Variants in LRP1B observed in about 807,000 individuals in gnomAD.
The protein encoded by LRP1B is low-density lipoprotein receptor-related protein 1B.
In LRP1B, 217 loss-of-function variants were observed where a neutral mutation model predicts 556.6. The observed-to-expected ratio is 0.39, with a 90% CI of 0.35 to 0.44. The LOEUF is 0.44. Among genes scored for constraint, LRP1B ranks in the 20% least tolerant of loss-of-function variants. The pLI is 1.00. For synonymous variants in LRP1B, 2,047 were observed against 1,865.8 expected (o/e 1.10, Z -2.50); for missense variants, 5,053 against 5,620.8 (o/e 0.90, Z 3.23).
At chr2:141,907,825 C>T (rs1699800399) in intron 1 of LRP1B, among the ~76,000 whole-genome samples, 1 of 151,860 alleles carries the variant, frequency 6.6e-6, no homozygotes, top group African/African-American at 2.4e-5. Flanking sequence ...TCTGTGATTT[C>T]CTGCTCCCTT....
rs1042716532 is a variant in LRP1B at position 140,297,741 on chromosome 2, T to C, written c.12967+67A>G. On this transcript the variant is annotated intron_variant, in intron 84 of 90. Transcript: ENST00000389484. ...GCTAAAATTAAGATAATGGAAGGAG[T>C]GGATACAGGAAATCAGAAGATTAAC... 1.0e-5 allele frequency: 15 copies of C among 1,473,120 alleles called. No homozygotes were observed. The African/African-American group carries it at 1.8e-4, about 18-fold the overall frequency. 91.3% of individuals were successfully genotyped at this position (1,473,120 alleles called of 1,614,324 possible). A position where few individuals can be genotyped will look rare whatever the true frequency, so the allele number is the denominator to read the frequency against.
intron 66 of LRP1B, among the ~76,000 whole-genome samples, chr2:140,394,579 A>G (rs1291818490): frequency 2.0e-5 from 3 of 152,112 alleles, no homozygotes; most frequent in Admixed American, 2.0e-4. Flanking sequence ...CCCTTGAACC[A>G]TTTTCTTGGA....
chr2:141,017,084 T>C (rs1248653807), intron 12 of LRP1B, among the ~76,000 whole-genome samples: 1 of 152,126 alleles, frequency 6.6e-6, no homozygotes, highest in African/African-American at 2.4e-5. Context: ...ATTGAGACTG[T>C]TGAATTGTAT....
At chr2:140,826,507 C>G (rs543011813) in intron 31 of LRP1B, among the ~76,000 whole-genome samples, 84 of 152,274 alleles carry the variant, frequency 5.5e-4, no homozygotes, top group African/African-American at 2.0e-3. Context: ...AAGATGATCA[C>G]CAGCAACATC....
chr2:141,295,789 A>ACACACG (rs1300096216), intron 3 of LRP1B, among the ~76,000 whole-genome samples: 16 of 143,496 alleles, frequency 1.1e-4, no homozygotes, highest in African/African-American at 3.7e-4. Context: ...ACACACACAC[A>ACACACG]CATAACAGTG....
At position 141,874,304 on chromosome 2, in the gene LRP1B, A is replaced by C. The variant is rs72994956; in HGVS notation, c.83-63903T>G. 6.7e-3 allele frequency among the ~76,000 whole-genome samples: 1,015 copies of C among 151,924 alleles called. 16 individuals carry two copies. The highest frequency in any genetic ancestry group is 0.022 in the African/African-American group (931 of 41,470). ...ATCACAATTTTACTACTTCTGGATC[A>C]CAAGCTTGTAAAGCATGGTTATTGA... On this transcript the variant is annotated intron_variant, in intron 1 of 90. Transcript: ENST00000389484.
chr2:141,878,261 A>G (rs1698835152), intron 1 of LRP1B, among the ~76,000 whole-genome samples: 1 of 151,992 alleles, frequency 6.6e-6, no homozygotes, highest in Non-Finnish European at 1.5e-5. Flanking sequence ...AGAAGACACC[A>G]GAGAGCTGAG....
At chr2:140,992,530 A>G (rs914397229) in intron 16 of LRP1B, 2 of 152,132 alleles carry the variant, frequency 1.3e-5, no homozygotes, top group Non-Finnish European at 2.9e-5. Flanking sequence ...AGCATTCATC[A>G]CAACCACAAA....
At chr2:141,190,561 G>C (rs1054737314) in intron 6 of LRP1B, among the ~76,000 whole-genome samples, 2 of 151,846 alleles carry the variant, frequency 1.3e-5, no homozygotes, top group African/African-American at 2.4e-5. Flanking sequence ...CCTAACCTAT[G>C]AATCTCATTT....
chr2:141,837,700 AG>A (rs1417403743), intron 1 of LRP1B, among the ~76,000 whole-genome samples: 1 of 152,142 alleles, frequency 6.6e-6, no homozygotes, highest in Non-Finnish European at 1.5e-5. Flanking sequence ...TGTAGTACAT[AG>A]TAAAGGAAAT....
At chr2:141,500,208 T>C (rs542141221) in intron 2 of LRP1B, among the ~76,000 whole-genome samples, 6 of 152,128 alleles carry the variant, frequency 3.9e-5, no homozygotes, top group Admixed American at 1.3e-4. Context: ...GCTTTCCCCA[T>C]ATATTTACCT....
At chr2:141,758,334 G>A (rs796595646) in intron 2 of LRP1B, among the ~76,000 whole-genome samples, 11 of 151,880 alleles carry the variant, frequency 7.2e-5, no homozygotes, top group African/African-American at 2.7e-4. Flanking sequence ...TTTCAGTATT[G>A]CATATAAAAA....
chr2:140,478,529 T>TAA (rs1300980596), intron 59 of LRP1B, among the ~76,000 whole-genome samples: 1 of 152,136 alleles, frequency 6.6e-6, no homozygotes, highest in Non-Finnish European at 1.5e-5. Flanking sequence ...ACTGAGAATA[T>TAA]AAAAGGTTAT....
chr2:142,029,095 C>A (rs763422517), intron 1 of LRP1B, among the ~76,000 whole-genome samples: 2 of 151,832 alleles, frequency 1.3e-5, no homozygotes, highest in Non-Finnish European at 2.9e-5. Flanking sequence ...AATGACTCTC[C>A]CTCTTCTGTC....
At chr2:141,678,614 C>T (rs907448712) in intron 2 of LRP1B, among the ~76,000 whole-genome samples, 1 of 152,004 alleles carries the variant, frequency 6.6e-6, no homozygotes, top group Non-Finnish European at 1.5e-5. Flanking sequence ...AATGAATGGG[C>T]TCCAACTTAT....
intron 18 of LRP1B, among the ~76,000 whole-genome samples, chr2:140,970,737 T>C (rs1294145738): frequency 6.6e-5 from 2 of 30,274 alleles, no homozygotes; most frequent in African/African-American, 1.4e-4. Context: ...TTTTTTTTTT[T>C]TTTTTTTTTT....
chr2:140,590,317 T>C (rs1423533484), intron 43 of LRP1B, among the ~76,000 whole-genome samples: 2 of 145,886 alleles, frequency 1.4e-5, no homozygotes, highest in Admixed American at 7.1e-5. Flanking sequence ...TTATATGTAA[T>C]ATATAATGTA....
chr2:141,420,794 A>T (rs572464850), intron 3 of LRP1B, among the ~76,000 whole-genome samples: 2 of 152,318 alleles, frequency 1.3e-5, no homozygotes, highest in East Asian at 1.9e-4. Context: ...CTTGTTTCTA[A>T]GTGGCCCCCA....
At chr2:140,870,957 T>C (rs967045748) in intron 25 of LRP1B, among the ~76,000 whole-genome samples, 6 of 152,174 alleles carry the variant, frequency 3.9e-5, no homozygotes, top group Middle Eastern at 3.4e-3. Context: ...AAATATGAAA[T>C]GATTAGAGGA....
Sources: allele counts gnomAD v4.1 joint callset (sites outside exome capture counted in the v4.1 genomes callset), GRCh38; gene constraint gnomAD v4.1.1; transcripts MANE v1.5; gene names NCBI Gene and HGNC (gene_info 2026-07-23, HGNC 2026-07-21).